RHOA: variants seen among roughly 807,000 people sequenced by gnomAD.
RHOA encodes the protein ras homolog family member A.
Under a neutral mutation model 17.5 loss-of-function variants are expected in RHOA, and 3 were observed. The observed-to-expected ratio is 0.17, with a 90% CI of 0.08 to 0.44. The LOEUF (loss-of-function observed/expected upper bound fraction) is 0.44, where lower values mean the gene tolerates loss of function less well. Among genes scored for constraint, RHOA ranks in the 20% least tolerant of loss-of-function variants. The pLI, the probability that RHOA is intolerant of heterozygous loss-of-function variation, is 0.99. For missense variants in RHOA, 56 were observed against 242.3 expected, an observed-to-expected ratio of 0.23 and a Z score of 5.10; for synonymous variants, 98 against 88.4, an observed-to-expected ratio of 1.11 and a Z score of -0.61.
rs114230799 is a variant in RHOA, at chr3:49,399,870, G to A, written c.-3+11950C>T. Among the ~76,000 whole-genome samples the A allele has an allele frequency of 6.9e-3, 1,051 of 152,140 alleles. 8 individuals are homozygous for A. The highest frequency in any genetic ancestry group is 0.024 in the African/African-American group (1,001 of 41,484). ...ATTTATATAGTAGATTACATCAAGG[G>A]GGTAAGAAATAAAGCAATACATATG... On this transcript the variant is annotated intron_variant, in intron 1 of 4. Transcript: ENST00000418115.
At chr3:49,364,227 TATA>T (rs1214989890) in intron 3 of RHOA, among the ~76,000 whole-genome samples, 1 of 152,016 alleles carries the variant, frequency 6.6e-6, no homozygotes, top group Non-Finnish European at 1.5e-5. Flanking sequence ...GGTTCATGCC[TATA>T]ATCCCAGCAC....
intron 1 of RHOA, among the ~76,000 whole-genome samples, chr3:49,405,368 T>C (rs552968251): frequency 1.1e-4 from 16 of 150,496 alleles, no homozygotes; most frequent in African/African-American, 3.7e-4. Context: ...GAGGTGGAGG[T>C]TGCAGTGAGC....
intron 1 of RHOA, among the ~76,000 whole-genome samples, chr3:49,394,162 C>T (rs1056570513): frequency 1.3e-5 from 2 of 149,708 alleles, no homozygotes; most frequent in Admixed American, 6.7e-5. Context: ...GAGCCACCGC[C>T]CCCGGCCTAA....
chr3:49,359,818 G>A lies in RHOA; in HGVS notation c.*391C>T. On this transcript the variant is annotated 3_prime_UTR_variant, in exon 5 of 5. Coordinates refer to ENST00000418115, the MANE Select transcript of RHOA (RefSeq NM_001664.4). ...CTGTTACGGAGTAAAGCCCTGAAGT[G>A]GTGACTCACCAGAGTACCTTGCAGC... 1 of 244,762 alleles carries A rather than the reference G, an allele frequency of 4.1e-6. No homozygotes were observed. 15.2% of individuals were successfully genotyped at this position (244,762 alleles called of 1,614,324 possible). A position where few individuals can be genotyped will look rare whatever the true frequency, so the allele number is the denominator to read the frequency against.
At chr3:49,391,544 T>A (rs2048507215) in intron 1 of RHOA, among the ~76,000 whole-genome samples, 1 of 152,120 alleles carries the variant, frequency 6.6e-6, no homozygotes, top group Non-Finnish European at 1.5e-5. Context: ...CTAGCCACAT[T>A]GTGACTTTCT....
chr3:49,393,676 C>CTGTGTGTGTG (rs71080504), intron 1 of RHOA, among the ~76,000 whole-genome samples: 71 of 10,346 alleles, frequency 6.9e-3, no homozygotes, highest in African/African-American at 0.016. Context: ...AATTCTCTCT[C>CTGTGTGTGTG]TGTGTGTGTG....
chr3:49,402,357 T>C (rs1294256019), intron 1 of RHOA, among the ~76,000 whole-genome samples: 1 of 152,120 alleles, frequency 6.6e-6, no homozygotes, highest in African/African-American at 2.4e-5. Context: ...GTAAACCTTA[T>C]TGCAGGAGTT....
At chr3:49,384,450 A>C (rs2107865860) in intron 1 of RHOA, among the ~76,000 whole-genome samples, 1 of 152,284 alleles carries the variant, frequency 6.6e-6, no homozygotes, top group South Asian at 2.1e-4. Context: ...ACCAAAAGTC[A>C]GTTATATCTA....
At chr3:49,409,117 G>C (rs1227221216) in intron 1 of RHOA, among the ~76,000 whole-genome samples, 1 of 151,822 alleles carries the variant, frequency 6.6e-6, no homozygotes, top group African/African-American at 2.4e-5. Context: ...AAATATGGGT[G>C]GGCGTGGTGG....
At chr3:49,398,543 G>C (rs1173535457) in intron 1 of RHOA, among the ~76,000 whole-genome samples, 1 of 151,882 alleles carries the variant, frequency 6.6e-6, no homozygotes, top group Non-Finnish European at 1.5e-5. Flanking sequence ...AATTTTGCTG[G>C]CAGGGCGCGG....
chr3:49,390,615 C>T (rs527634779), intron 1 of RHOA, among the ~76,000 whole-genome samples: 1 of 152,076 alleles, frequency 6.6e-6, no homozygotes, highest in African/African-American at 2.4e-5. Context: ...CAGTTTGAAC[C>T]AGTCAACATG....
intron 1 of RHOA, among the ~76,000 whole-genome samples, chr3:49,397,454 T>A (rs1324945083): frequency 6.6e-6 from 1 of 152,134 alleles, no homozygotes; most frequent in Non-Finnish European, 1.5e-5. Context: ...TTCAAATGAA[T>A]GGTGTGATAT....
At chr3:49,380,674 AAATAATAATAATAATAATAATAATAAT>A (rs199906304) in intron 1 of RHOA, among the ~76,000 whole-genome samples, 3 of 137,540 alleles carry the variant, frequency 2.2e-5, no homozygotes, top group African/African-American at 5.4e-5. Context: ...CTTGTCTCAA[AAATAATAATAATAATAATAATAATAAT>A]AATAATAATA....
chr3:49,403,859 G>C (rs2048767651), intron 1 of RHOA, among the ~76,000 whole-genome samples: 4 of 151,990 alleles, frequency 2.6e-5, no homozygotes, highest in African/African-American at 9.7e-5. Flanking sequence ...CCAAGTTTGG[G>C]AACAGTGGAG....
chr3:49,380,560 C>T (rs2048299003), intron 1 of RHOA, among the ~76,000 whole-genome samples: 2 of 151,520 alleles, frequency 1.3e-5, no homozygotes, highest in South Asian at 4.2e-4. Flanking sequence ...TTAAAATTAC[C>T]CAGGCGTGGT....
intron 2 of RHOA, among the ~76,000 whole-genome samples, chr3:49,375,151 T>G (rs2048206120): frequency 2.0e-5 from 3 of 151,970 alleles, no homozygotes; most frequent in South Asian, 2.1e-4. Flanking sequence ...TCCCTGCTAT[T>G]TGGGAGGCTG....
intron 3 of RHOA, among the ~76,000 whole-genome samples, chr3:49,363,957 G>A (rs2048013236): frequency 6.6e-6 from 1 of 152,152 alleles, no homozygotes; most frequent in Non-Finnish European, 1.5e-5. Flanking sequence ...GCTGAGGTGG[G>A]AGGATCACTG....
intron 1 of RHOA, among the ~76,000 whole-genome samples, chr3:49,386,822 C>G (rs934552460): frequency 6.6e-6 from 1 of 152,000 alleles, no homozygotes; most frequent in Admixed American, 6.6e-5. Flanking sequence ...CTTTTTAAAA[C>G]TGTTACATGA....
intron 1 of RHOA, among the ~76,000 whole-genome samples, chr3:49,390,338 C>G (rs1286749567): frequency 1.3e-5 from 2 of 151,610 alleles, no homozygotes; most frequent in Non-Finnish European, 2.9e-5. Context: ...AACATCTTGG[C>G]CAGGCTGGTC....
Sources: gnomAD v4.1 joint callset for allele counts (sites outside exome capture counted in the v4.1 genomes callset) on GRCh38, gnomAD v4.1.1 for gene constraint, MANE v1.5 for transcripts, NCBI Gene and HGNC (gene_info 2026-07-23, HGNC 2026-07-21) for gene names.